RBFOX1: variants seen among roughly 807,000 people sequenced by gnomAD.
The protein encoded by RBFOX1 is RNA binding protein fox-1 homolog 1.
RBFOX1 carries 8 observed loss-of-function variants against 57.7 expected under a neutral mutation model. That is an observed-to-expected ratio of 0.14 (90% confidence interval 0.08 to 0.25). RBFOX1 has a LOEUF of 0.25. RBFOX1 is among the 10% of genes least tolerant of loss of function. RBFOX1 has a pLI of 1.00. For missense variants in RBFOX1, 611 were observed against 548.5 expected (o/e 1.11, Z -1.14); for synonymous variants, 326 against 222.4 (o/e 1.47, Z -4.15).
chr16:5,667,602 TCTTG>T (rs1401491447), intron 3 of RBFOX1, among the ~76,000 whole-genome samples: 1 of 152,246 alleles, frequency 6.6e-6, no homozygotes, highest in East Asian at 1.9e-4. Context: ...ATTCTATGTA[TCTTG>T]CTTGTATATT....
chr16:5,354,083 G>A (rs1451886324), intron 1 of RBFOX1, among the ~76,000 whole-genome samples: 2 of 152,104 alleles, frequency 1.3e-5, no homozygotes, highest in Admixed American at 6.5e-5. Context: ...GTCTCCACCG[G>A]CCCCTTACCT....
chr16:6,602,639 C>T (rs1196463052), intron 2 of RBFOX1, among the ~76,000 whole-genome samples: 1 of 152,206 alleles, frequency 6.6e-6, no homozygotes, highest in South Asian at 2.1e-4. Flanking sequence ...TTTGGCTCAT[C>T]TCCAAGGTGG....
intron 4 of RBFOX1, among the ~76,000 whole-genome samples, chr16:5,943,494 C>T (rs2059323959): frequency 6.6e-6 from 1 of 152,194 alleles, no homozygotes; most frequent in Non-Finnish European, 1.5e-5. Context: ...ACAGGGTTAA[C>T]TGAAACTCAG....
At chr16:7,035,255 A>G (rs1348390310) in intron 3 of RBFOX1, among the ~76,000 whole-genome samples, 1 of 152,028 alleles carries the variant, frequency 6.6e-6, no homozygotes, top group African/African-American at 2.4e-5. Flanking sequence ...TGAGAACTGT[A>G]CTTGGGATTC....
intron 3 of RBFOX1, among the ~76,000 whole-genome samples, chr16:5,824,201 G>T (rs1166139479): frequency 6.6e-6 from 1 of 152,200 alleles, no homozygotes. Flanking sequence ...CCGGGCCCAG[G>T]ACAGAGTAGG....
At chr16:6,362,513 G>A (rs934199386) in intron 2 of RBFOX1, among the ~76,000 whole-genome samples, 4 of 152,170 alleles carry the variant, frequency 2.6e-5, no homozygotes, top group Admixed American at 6.5e-5. Context: ...ACTGGCTCAC[G>A]CATTTGTGTG....
intron 1 of RBFOX1, among the ~76,000 whole-genome samples, chr16:6,311,584 C>T (rs567718395): frequency 6.6e-6 from 1 of 152,300 alleles, no homozygotes; most frequent in East Asian, 1.9e-4. Context: ...CTTAGAAAAG[C>T]AACCACAGGT....
intron 4 of RBFOX1, among the ~76,000 whole-genome samples, chr16:7,174,471 A>C (rs1450059465): frequency 2.6e-5 from 4 of 152,148 alleles, no homozygotes; most frequent in Non-Finnish European, 5.9e-5. Context: ...TGGTAAGTTT[A>C]AGTTTGAGCT....
intron 3 of RBFOX1, among the ~76,000 whole-genome samples, chr16:6,945,657 G>C (rs1056659806): frequency 1.3e-5 from 2 of 152,074 alleles, no homozygotes; most frequent in Admixed American, 1.3e-4. Context: ...TTGGGAGGAC[G>C]AGGTGGGTGG....
intron 3 of RBFOX1, among the ~76,000 whole-genome samples, chr16:5,862,338 G>A: frequency 6.6e-6 from 1 of 152,176 alleles, no homozygotes; most frequent in South Asian, 2.1e-4. Context: ...TCATTTGCTG[G>A]TGGGGAGGGA....
chr16:6,948,167 C>G (rs71374923), intron 3 of RBFOX1, among the ~76,000 whole-genome samples: 1 of 151,968 alleles, frequency 6.6e-6, no homozygotes, highest in Non-Finnish European at 1.5e-5. Context: ...CATGGTGGCT[C>G]ATACCTGTAA....
intron 1 of RBFOX1, among the ~76,000 whole-genome samples, chr16:5,460,226 G>A (rs574914129): frequency 6.6e-6 from 1 of 152,320 alleles, no homozygotes; most frequent in African/African-American, 2.4e-5. Context: ...AGACAGAGAA[G>A]GTTTGAATCC....
At chr16:7,294,246 C>T (rs896905704) in intron 4 of RBFOX1, among the ~76,000 whole-genome samples, 4 of 152,018 alleles carry the variant, frequency 2.6e-5, no homozygotes, top group Admixed American at 2.0e-4. Flanking sequence ...CCTTGTCCCA[C>T]GCACTTACAT....
chr16:7,055,894 G>C (rs1478717), intron 4 of RBFOX1, among the ~76,000 whole-genome samples: 16 of 151,962 alleles, frequency 1.1e-4, no homozygotes, highest in Non-Finnish European at 2.2e-4. Context: ...TCCTACATGT[G>C]TGGGCTCAGC....
At chr16:7,141,981 T>A (rs1388650271) in intron 4 of RBFOX1, among the ~76,000 whole-genome samples, 1 of 142,564 alleles carries the variant, frequency 7.0e-6, no homozygotes, top group Non-Finnish European at 1.6e-5. Flanking sequence ...CTCCTTCTTC[T>A]CCATCTTCTC....
At chr16:5,803,871 C>T (rs950690537) in intron 3 of RBFOX1, among the ~76,000 whole-genome samples, 6 of 152,102 alleles carry the variant, frequency 3.9e-5, no homozygotes, top group Non-Finnish European at 7.4e-5. Context: ...TCTGATAATG[C>T]GCACCAGTAA....
intron 2 of RBFOX1, among the ~76,000 whole-genome samples, chr16:5,503,757 T>G (rs2043282354): frequency 6.6e-6 from 1 of 152,168 alleles, no homozygotes; most frequent in Non-Finnish European, 1.5e-5. Flanking sequence ...ACAATGGTTT[T>G]AAGTATATTC....
chr16:6,926,420 C>A (rs2075597819), intron 3 of RBFOX1, among the ~76,000 whole-genome samples: 1 of 152,192 alleles, frequency 6.6e-6, no homozygotes, highest in African/African-American at 2.4e-5. Context: ...ACACAGCAGG[C>A]CTCAGAATTT....
At chr16:7,045,914 T>C (rs2047768775) in intron 3 of RBFOX1, among the ~76,000 whole-genome samples, 1 of 152,164 alleles carries the variant, frequency 6.6e-6, no homozygotes, top group African/African-American at 2.4e-5. Context: ...CACCTCGGCC[T>C]CCCAAAGTGC....
Sources: gnomAD v4.1 joint callset for allele counts (sites outside exome capture counted in the v4.1 genomes callset) on GRCh38, gnomAD v4.1.1 for gene constraint, MANE v1.5 for transcripts, NCBI Gene and HGNC (gene_info 2026-07-23, HGNC 2026-07-21) for gene names.